Variants in CTIF observed in about 807,000 individuals in gnomAD.
CTIF encodes the protein cap binding complex dependent translation initiation factor.
Under a neutral mutation model 66.0 loss-of-function variants are expected in CTIF, and 21 were observed. That is an observed-to-expected ratio of 0.32 (90% CI 0.23 to 0.46). The LOEUF (loss-of-function observed/expected upper bound fraction) is 0.46, where lower values mean the gene tolerates loss of function less well. Ranked by LOEUF, CTIF falls within the 20% of genes least tolerant of loss-of-function variation. The pLI is 1.00. For synonymous variants in CTIF, 345 were observed against 326.4 expected (o/e 1.06, Z -0.62); for missense variants, 739 against 812.7 (o/e 0.91, Z 1.10).
intron 10 of CTIF, among the ~76,000 whole-genome samples, chr18:48,818,724 T>C (rs1043486035): frequency 6.6e-6 from 1 of 151,928 alleles, no homozygotes; most frequent in African/African-American, 2.4e-5. Flanking sequence ...GCCTCCCCCA[T>C]GTTGTACCCT....
intron 9 of CTIF, among the ~76,000 whole-genome samples, chr18:48,774,966 TAA>T (rs33980107): frequency 0.014 from 2,108 of 150,582 alleles, 46 homozygotes; most frequent in African/African-American, 0.041. Flanking sequence ...TTCTGAGTAT[TAA>T]AAAAAAAAAT....
intron 1 of CTIF, among the ~76,000 whole-genome samples, chr18:48,587,072 A>ATT (rs2089785281): frequency 7.1e-6 from 1 of 140,168 alleles, no homozygotes; most frequent in African/African-American, 2.8e-5. Flanking sequence ...ACTAAGCCAC[A>ATT]TTCTTTTTTT....
At chr18:48,796,007 T>G (rs376318410) in intron 9 of CTIF, among the ~76,000 whole-genome samples, 5 of 152,196 alleles carry the variant, frequency 3.3e-5, no homozygotes, top group African/African-American at 1.2e-4. Flanking sequence ...TTGGTTGGTT[T>G]GTTTTTTGAG....
chr18:48,775,216 T>G (rs146246569), intron 9 of CTIF, among the ~76,000 whole-genome samples: 1 of 152,228 alleles, frequency 6.6e-6, no homozygotes, highest in Non-Finnish European at 1.5e-5. Context: ...AATGGGGTCA[T>G]AATACCCATC....
chr18:48,708,587 C>T (rs529969487), intron 6 of CTIF, among the ~76,000 whole-genome samples: 4 of 152,290 alleles, frequency 2.6e-5, no homozygotes, highest in African/African-American at 9.6e-5. Context: ...CCCAGGTGGC[C>T]TTATACATAG....
intron 9 of CTIF, among the ~76,000 whole-genome samples, chr18:48,809,957 G>A (rs1436228568): frequency 6.6e-6 from 1 of 151,384 alleles, no homozygotes; most frequent in Non-Finnish European, 1.5e-5. Context: ...TAATTTGGGG[G>A]TTTTATCTGT....
intron 10 of CTIF, among the ~76,000 whole-genome samples, chr18:48,840,753 C>T (rs1395312532): frequency 1.3e-5 from 2 of 152,134 alleles, no homozygotes; most frequent in Non-Finnish European, 1.5e-5. Context: ...GCTGTCCCTA[C>T]CCAGTTGGTC....
intron 1 of CTIF, among the ~76,000 whole-genome samples, chr18:48,574,081 C>T (rs947166330): frequency 1.3e-5 from 2 of 152,214 alleles, no homozygotes; most frequent in Non-Finnish European, 2.9e-5. Flanking sequence ...TCAGCAAGAC[C>T]TCCCCTCACC....
chr18:48,739,075 T>C (rs59784013), intron 7 of CTIF, among the ~76,000 whole-genome samples: 33,114 of 152,072 alleles, frequency 0.22, 3,843 homozygotes, highest in Non-Finnish European at 0.23. Context: ...CCTGAATAGC[T>C]GGTCCCCCTG....
chr18:48,743,943 C>T (rs1166318210), intron 7 of CTIF, among the ~76,000 whole-genome samples: 3 of 152,154 alleles, frequency 2.0e-5, no homozygotes, highest in Non-Finnish European at 2.9e-5. Flanking sequence ...CATCCTTTTC[C>T]CTCCCGTTGA....
At chr18:48,599,596 G>T (rs2090053440) in intron 1 of CTIF, among the ~76,000 whole-genome samples, 1 of 152,160 alleles carries the variant, frequency 6.6e-6, no homozygotes, top group South Asian at 2.1e-4. Context: ...ATTCCTGAGG[G>T]CTGAATAAGC....
intron 9 of CTIF, among the ~76,000 whole-genome samples, chr18:48,764,205 A>C (rs1263448875): frequency 6.6e-6 from 1 of 152,180 alleles, no homozygotes; most frequent in Non-Finnish European, 1.5e-5. Context: ...AGCACCTCTC[A>C]TCCTGCAGCC....
At chr18:48,731,324 T>A (rs2092455392) in intron 7 of CTIF, among the ~76,000 whole-genome samples, 1 of 151,554 alleles carries the variant, frequency 6.6e-6, no homozygotes, top group Non-Finnish European at 1.5e-5. Context: ...TGGGAGGGAG[T>A]AGAGAAGGCT....
At chr18:48,621,533 G>A (rs2090493317) in intron 2 of CTIF, 1 of 375,894 alleles carries the variant, frequency 2.7e-6, no homozygotes, top group South Asian at 1.9e-5. Flanking sequence ...GAGGAGAAGT[G>A]AGCCTAGAGA....
At chr18:48,743,329 C>G (rs1252028216) in intron 7 of CTIF, among the ~76,000 whole-genome samples, 1 of 152,246 alleles carries the variant, frequency 6.6e-6, no homozygotes, top group Non-Finnish European at 1.5e-5. Context: ...TTCCTAAAAA[C>G]TCTCGGGTCT....
At chr18:48,629,331 G>C (rs1386749259) in intron 2 of CTIF, among the ~76,000 whole-genome samples, 1 of 152,128 alleles carries the variant, frequency 6.6e-6, no homozygotes, top group East Asian at 1.9e-4. Flanking sequence ...AATATACATA[G>C]AAATTACAAT....
intron 6 of CTIF, among the ~76,000 whole-genome samples, chr18:48,680,629 G>C (rs2091724297): frequency 6.6e-6 from 1 of 152,258 alleles, no homozygotes; most frequent in South Asian, 2.1e-4. Flanking sequence ...TGCCGTCCCT[G>C]TCCTTCAGCA....
intron 9 of CTIF, among the ~76,000 whole-genome samples, chr18:48,773,563 T>C (rs1910375687): frequency 6.6e-6 from 1 of 152,182 alleles, no homozygotes; most frequent in African/African-American, 2.4e-5. Flanking sequence ...GTAAGTGCCA[T>C]GGTGGGCTCC....
intron 7 of CTIF, among the ~76,000 whole-genome samples, chr18:48,716,256 A>G (rs1039477756): frequency 1.3e-5 from 2 of 152,206 alleles, no homozygotes; most frequent in African/African-American, 4.8e-5. Context: ...AGCTTGCACA[A>G]TGGTGCCTTG....
Sources: gnomAD v4.1 joint callset for allele counts (sites outside exome capture counted in the v4.1 genomes callset) on GRCh38, gnomAD v4.1.1 for gene constraint, MANE v1.5 for transcripts, NCBI Gene and HGNC (gene_info 2026-07-23, HGNC 2026-07-21) for gene names.